EPHA6: variants seen among roughly 807,000 people sequenced by gnomAD.
The protein encoded by EPHA6 is ephrin type-A receptor 6.
In EPHA6, 50 loss-of-function variants were observed where a neutral mutation model predicts 112.0. The ratio of observed to expected loss-of-function variants is 0.45; its 90% CI spans 0.36 to 0.56. The LOEUF (loss-of-function observed/expected upper bound fraction) is 0.56, where lower values mean the gene tolerates loss of function less well. Among genes scored for constraint, EPHA6 ranks in the 20% least tolerant of loss-of-function variants. The pLI is 0.00. For missense variants in EPHA6, 1,280 were observed against 1,417.4 expected (o/e 0.90, Z 1.56); for synonymous variants, 529 against 490.7 (o/e 1.08, Z -1.03).
At chr3:97,012,530 A>T (rs1559667836) in intron 3 of EPHA6, among the ~76,000 whole-genome samples, 1 of 148,042 alleles carries the variant, frequency 6.8e-6, no homozygotes, top group African/African-American at 2.5e-5. Context: ...ATTCATATAT[A>T]TTTTTATATA....
intron 6 of EPHA6, among the ~76,000 whole-genome samples, chr3:97,414,184 A>C (rs2087937941): frequency 6.6e-6 from 1 of 152,052 alleles, no homozygotes; most frequent in African/African-American, 2.4e-5. Flanking sequence ...GAAATAGGAA[A>C]ATTAAATTGA....
intron 14 of EPHA6, among the ~76,000 whole-genome samples, chr3:97,645,120 A>T (rs2094046775): frequency 6.6e-6 from 1 of 152,142 alleles, no homozygotes; most frequent in Admixed American, 6.5e-5. Context: ...TTCCTCAGGG[A>T]TCTACAACTA....
At chr3:97,164,896 C>T (rs2076504163) in intron 3 of EPHA6, among the ~76,000 whole-genome samples, 1 of 152,036 alleles carries the variant, frequency 6.6e-6, no homozygotes, top group African/African-American at 2.4e-5. Context: ...GACTCTTTCT[C>T]TTTAATCATT....
intron 12 of EPHA6, among the ~76,000 whole-genome samples, chr3:97,598,493 C>G (rs995167459): frequency 3.5e-5 from 5 of 143,942 alleles, no homozygotes; most frequent in Admixed American, 2.9e-4. Flanking sequence ...TCAATTCCCA[C>G]CTATGAGTGA....
chr3:97,114,810 C>T (rs1181082321), intron 3 of EPHA6, among the ~76,000 whole-genome samples: 2 of 152,026 alleles, frequency 1.3e-5, no homozygotes, highest in African/African-American at 4.8e-5. Context: ...TTTCTCTCAA[C>T]ATTCTCACAA....
At chr3:97,372,872 C>A (rs1454970346) in intron 5 of EPHA6, among the ~76,000 whole-genome samples, 1 of 151,998 alleles carries the variant, frequency 6.6e-6, no homozygotes, top group East Asian at 1.9e-4. Flanking sequence ...GAATAAAAAA[C>A]GAGATAATTT....
chr3:97,131,309 TAGAG>T (rs963251032), intron 3 of EPHA6, among the ~76,000 whole-genome samples: 2 of 152,036 alleles, frequency 1.3e-5, no homozygotes, highest in African/African-American at 4.8e-5. Context: ...TGATAGAAGA[TAGAG>T]AGATAGATAC....
At chr3:97,046,583 G>T (rs1576385266) in intron 3 of EPHA6, among the ~76,000 whole-genome samples, 2 of 152,028 alleles carry the variant, frequency 1.3e-5, no homozygotes, top group Admixed American at 1.3e-4. Flanking sequence ...AAATAAAATT[G>T]TTATTTAGAG....
At chr3:97,115,301 A>C (rs2047852535) in intron 3 of EPHA6, among the ~76,000 whole-genome samples, 1 of 151,846 alleles carries the variant, frequency 6.6e-6, no homozygotes, top group Non-Finnish European at 1.5e-5. Context: ...AATAAACCAA[A>C]TATGAGACTG....
chr3:97,024,875 T>C (rs540674231), intron 3 of EPHA6, among the ~76,000 whole-genome samples: 2 of 152,194 alleles, frequency 1.3e-5, no homozygotes, highest in African/African-American at 2.4e-5. Context: ...AAACAAAAAC[T>C]ACCATTTAGT....
chr3:97,337,120 T>C (rs1393328697), intron 5 of EPHA6, among the ~76,000 whole-genome samples: 1 of 152,140 alleles, frequency 6.6e-6, no homozygotes, highest in Non-Finnish European at 1.5e-5. Flanking sequence ...GAGAACCATA[T>C]CATGTATGAG....
chr3:96,936,905 C>T (rs991139988), intron 2 of EPHA6, among the ~76,000 whole-genome samples: 5 of 152,094 alleles, frequency 3.3e-5, no homozygotes, highest in Non-Finnish European at 7.3e-5. Flanking sequence ...TGATGGTTTC[C>T]ACTTTCATCC....
At chr3:97,028,155 G>T (rs1302672366) in intron 3 of EPHA6, among the ~76,000 whole-genome samples, 1 of 152,100 alleles carries the variant, frequency 6.6e-6, no homozygotes, top group Non-Finnish European at 1.5e-5. Context: ...GAAGAAACTG[G>T]TTTTGTTTAT....
At chr3:96,942,750 C>T (rs996768182) in intron 2 of EPHA6, among the ~76,000 whole-genome samples, 4 of 152,224 alleles carry the variant, frequency 2.6e-5, no homozygotes, top group African/African-American at 9.6e-5. Flanking sequence ...ATTCGGCCAT[C>T]TTGGCTCCCG....
chr3:97,562,144 A>G (rs2093201544), intron 11 of EPHA6, among the ~76,000 whole-genome samples: 1 of 152,182 alleles, frequency 6.6e-6, no homozygotes, highest in Admixed American at 6.6e-5. Flanking sequence ...GAAAACATCC[A>G]TTCTGCAGCC....
At chr3:97,553,736 T>G (rs1419423186) in intron 11 of EPHA6, among the ~76,000 whole-genome samples, 3 of 152,120 alleles carry the variant, frequency 2.0e-5, no homozygotes, top group Non-Finnish European at 4.4e-5. Flanking sequence ...CATATCACAT[T>G]GTATCCTGAT....
At chr3:97,536,502 T>G (rs1396866434) in intron 11 of EPHA6, among the ~76,000 whole-genome samples, 1 of 152,176 alleles carries the variant, frequency 6.6e-6, no homozygotes, top group Non-Finnish European at 1.5e-5. Flanking sequence ...ATAATTTCAT[T>G]TCATAAAAAT....
At chr3:97,357,771 T>G (rs914057476) in intron 5 of EPHA6, among the ~76,000 whole-genome samples, 3 of 152,190 alleles carry the variant, frequency 2.0e-5, no homozygotes, top group African/African-American at 7.2e-5. Context: ...CTATATTGTA[T>G]GTATTGTATA....
In EPHA6 at chr3:97,489,583, G is replaced by A. The variant is rs1345589643; in HGVS notation, c.2200+5524G>A. On this transcript the variant is annotated intron_variant, in intron 10 of 17. Coordinates refer to ENST00000389672, the MANE Select transcript of EPHA6 (RefSeq NM_001080448.3). ...TGCCTGTAGTCCCAGCTACTCCGGA[G>A]GCTGAGGCAAGAGAATGGCATGAAC... Among the ~76,000 whole-genome samples the A allele has an allele frequency of 2.0e-5, 3 of 151,480 alleles. No homozygotes were observed. The East Asian group carries it at 5.8e-4, about 29-fold the overall frequency.
Sources: allele counts gnomAD v4.1 joint callset (sites outside exome capture counted in the v4.1 genomes callset), GRCh38; gene constraint gnomAD v4.1.1; transcripts MANE v1.5; gene names NCBI Gene and HGNC (gene_info 2026-07-23, HGNC 2026-07-21).